Variants in ERBB4 observed in about 807,000 individuals in gnomAD.
ERBB4 encodes the protein receptor tyrosine-protein kinase erbB-4.
ERBB4 carries 42 observed loss-of-function variants against 158.0 expected under a neutral mutation model. The observed-to-expected ratio is 0.27, with a 90% CI of 0.21 to 0.34. The LOEUF (loss-of-function observed/expected upper bound fraction) is 0.34. Ranked by LOEUF, ERBB4 falls within the 10% of genes least tolerant of loss-of-function variation. The pLI, the probability that ERBB4 is intolerant of heterozygous loss-of-function variation, is 1.00. For synonymous variants in ERBB4, 583 were observed against 558.7 expected (o/e 1.04, Z -0.61); for missense variants, 1,333 against 1,624.1 (o/e 0.82, Z 3.08).
intron 5 of ERBB4, among the ~76,000 whole-genome samples, chr2:211,726,777 T>C (rs1212151864): frequency 5.3e-5 from 8 of 152,138 alleles, no homozygotes; most frequent in Admixed American, 2.6e-4. Flanking sequence ...CCAACGCCTA[T>C]AAATCAGTGT....
chr2:212,497,515 A>G lies in ERBB4; in HGVS notation c.82+40934T>C, dbSNP rs892568388. On this transcript the variant is annotated intron_variant, in intron 1 of 27. Coordinates refer to ENST00000342788, the MANE Select transcript of ERBB4 (RefSeq NM_005235.3). The stretch of plus-strand genomic sequence containing the variant: ...CAATGTGAATAGTATTGATAGATTG[A>G]ACATGAATAAACTTTTAGCCAAATA... Among the ~76,000 whole-genome samples, 4 of 152,186 alleles carry G rather than the reference A, an allele frequency of 2.6e-5. No homozygotes were observed. In the East Asian group the frequency reaches 7.7e-4, roughly 29 times the overall value.
At chr2:212,192,161 A>C (rs1243080878) in intron 1 of ERBB4, among the ~76,000 whole-genome samples, 1 of 144,858 alleles carries the variant, frequency 6.9e-6, no homozygotes, top group Non-Finnish European at 1.5e-5. Context: ...ATATTATATT[A>C]TATGTGTTAT....
intron 1 of ERBB4, among the ~76,000 whole-genome samples, chr2:212,471,991 C>A (rs2106120117): frequency 6.6e-6 from 1 of 151,962 alleles, no homozygotes; most frequent in Non-Finnish European, 1.5e-5. Context: ...TAAGTAACAT[C>A]TATTTTCTGT....
At chr2:212,310,558 AT>A (rs149725834) in intron 1 of ERBB4, among the ~76,000 whole-genome samples, 3,158 of 149,600 alleles carry the variant, frequency 0.021, 123 homozygotes, top group African/African-American at 0.073. Flanking sequence ...TCCCTAAGTA[AT>A]TTTGCGTGAA....
intron 2 of ERBB4, among the ~76,000 whole-genome samples, chr2:211,974,547 G>A (rs2081549206): frequency 1.3e-5 from 2 of 152,120 alleles, no homozygotes; most frequent in Admixed American, 1.3e-4. Context: ...AGGAAGTCTT[G>A]GAGTCCACAG....
In ERBB4 at chr2:211,976,892, G is replaced by A. The variant is rs114664003; in HGVS notation, c.235-29276C>T. On this transcript the variant is annotated intron_variant, in intron 2 of 27. Coordinates refer to ENST00000342788, the MANE Select transcript of ERBB4 (RefSeq NM_005235.3). Reference sequence around the variant, plus strand: ...AAAAGAGAATAAACAGACTGAAGGAGTAAGAAAATATCAGTTTCTATCTGT... The same window carrying A: ...AAAAGAGAATAAACAGACTGAAGGAATAAGAAAATATCAGTTTCTATCTGT... Among the ~76,000 whole-genome samples the A allele has an allele frequency of 7.0e-3, 1,064 of 152,248 alleles. 12 individuals carry two copies. The highest frequency in any genetic ancestry group is 0.025 in the African/African-American group (1,025 of 41,556).
At chr2:212,326,528 A>G (rs2087842540) in intron 1 of ERBB4, among the ~76,000 whole-genome samples, 1 of 150,930 alleles carries the variant, frequency 6.6e-6, no homozygotes, top group Admixed American at 6.6e-5. Flanking sequence ...GCTTTAGCCC[A>G]AAAGCTCCTT....
At chr2:211,719,621 C>T (rs369853375) in intron 7 of ERBB4, among the ~76,000 whole-genome samples, 2 of 151,846 alleles carry the variant, frequency 1.3e-5, no homozygotes, top group African/African-American at 2.4e-5. Context: ...TTTGGGAGGC[C>T]GAGGCGGGCT....
At chr2:212,286,603 T>TTTTTTGTTTG (rs1553611187) in intron 1 of ERBB4, among the ~76,000 whole-genome samples, 1 of 128,744 alleles carries the variant, frequency 7.8e-6, no homozygotes, top group African/African-American at 3.0e-5. Flanking sequence ...ACTTTTTTTT[T>TTTTTTGTTTG]TTTTTTTTTT....
chr2:212,534,399 AAGAGGGACTTCTCTGTG>A (rs1486939524), intron 1 of ERBB4, among the ~76,000 whole-genome samples: 2 of 152,198 alleles, frequency 1.3e-5, no homozygotes, highest in Non-Finnish European at 2.9e-5. Flanking sequence ...GAAAAAGGGT[AAGAGGGACTTCTCTGTG>A]GAAAGGTTTG....
chr2:212,195,150 T>C (rs188219365), intron 1 of ERBB4, among the ~76,000 whole-genome samples: 1 of 152,022 alleles, frequency 6.6e-6, no homozygotes, highest in African/African-American at 2.4e-5. Flanking sequence ...TAAAGTATTA[T>C]TTCATTGTAG....
intron 19 of ERBB4, among the ~76,000 whole-genome samples, chr2:211,578,989 G>T (rs1043118933): frequency 2.0e-5 from 3 of 152,088 alleles, no homozygotes; most frequent in Non-Finnish European, 2.9e-5. Flanking sequence ...CACAGCCAAA[G>T]AAACTACCTT....
At chr2:212,051,336 A>G (rs1217970542) in intron 2 of ERBB4, among the ~76,000 whole-genome samples, 1 of 152,144 alleles carries the variant, frequency 6.6e-6, no homozygotes, top group East Asian at 1.9e-4. Context: ...TGTATAAGAT[A>G]GCTTTAGATG....
intron 8 of ERBB4, 31 bp downstream of exon 8, chr2:211,713,504 T>G: frequency 7.5e-7 from 1 of 1,340,428 alleles, no homozygotes; most frequent in Non-Finnish European, 1.1e-6. Flanking sequence ...ATAGGCCCAG[T>G]TCTAACTAAA....
chr2:212,313,026 T>G (rs2087117381), intron 1 of ERBB4, among the ~76,000 whole-genome samples: 1 of 150,840 alleles, frequency 6.6e-6, no homozygotes, highest in South Asian at 2.1e-4. Context: ...CTGGAAATAT[T>G]TTGGCAAGTT....
chr2:211,780,710 T>C (rs1361189408), intron 4 of ERBB4, among the ~76,000 whole-genome samples: 1 of 152,224 alleles, frequency 6.6e-6, no homozygotes, highest in East Asian at 1.9e-4. Context: ...GTTAGTTCTC[T>C]TTGCTAATAT....
At chr2:212,373,726 T>C (rs971096136) in intron 1 of ERBB4, among the ~76,000 whole-genome samples, 1 of 140,034 alleles carries the variant, frequency 7.1e-6, no homozygotes, top group African/African-American at 2.6e-5. Flanking sequence ...TATATATCCA[T>C]ATATATATAT....
intron 1 of ERBB4, among the ~76,000 whole-genome samples, chr2:212,413,705 CTCTTA>C (rs1239172673): frequency 8.6e-5 from 13 of 151,998 alleles, no homozygotes; most frequent in African/African-American, 3.1e-4. Context: ...ATTCCTACTT[CTCTTA>C]TAATTTGGAC....
intron 2 of ERBB4, among the ~76,000 whole-genome samples, chr2:212,113,766 G>A (rs559049881): frequency 6.6e-6 from 1 of 152,108 alleles, no homozygotes; most frequent in East Asian, 1.9e-4. Flanking sequence ...TTCTATGTAA[G>A]AGTGTAAATA....
Sources: gnomAD v4.1 joint callset for allele counts (sites outside exome capture counted in the v4.1 genomes callset) on GRCh38, gnomAD v4.1.1 for gene constraint, MANE v1.5 for transcripts, NCBI Gene and HGNC (gene_info 2026-07-23, HGNC 2026-07-21) for gene names.